The following MCU variants were observed in gnomAD, a reference collection of about 807,000 sequenced individuals.
The protein encoded by MCU is calcium uniporter protein, mitochondrial.
MCU carries 12 observed loss-of-function variants against 45.2 expected under a neutral mutation model. The observed-to-expected ratio is 0.27, with a 90% CI of 0.17 to 0.43. The LOEUF is 0.43. MCU is among the 20% of genes least tolerant of loss of function. The pLI is 1.00. For missense variants in MCU, 324 were observed against 436.7 expected (o/e 0.74, Z 2.30); for synonymous variants, 160 against 165.1 (o/e 0.97, Z 0.24).
intron 1 of MCU, among the ~76,000 whole-genome samples, chr10:72,777,511 T>G (rs545591933): frequency 6.6e-6 from 1 of 152,280 alleles, no homozygotes; most frequent in South Asian, 2.1e-4. Context: ...AGAACGAAAC[T>G]AGACCCCTAA....
intron 1 of MCU, 74 bp downstream of exon 1, chr10:72,692,375 C>A: frequency 9.1e-7 from 1 of 1,097,938 alleles, no homozygotes; most frequent in Non-Finnish European, 1.1e-6. Context: ...GCGGGCAGGC[C>A]GCCGGGGCAG....
intron 2 of MCU, among the ~76,000 whole-genome samples, chr10:72,844,559 G>A (rs1262032860): frequency 2.0e-5 from 3 of 151,950 alleles, no homozygotes; most frequent in South Asian, 2.1e-4. Context: ...ACAAGAATGC[G>A]ACTCTGTCTC....
Position 72,825,253 on chromosome 10 carries a change from CTACAAAGTACAGTCTTATACCCAT to C in MCU, c.151-9102_151-9079del, listed in dbSNP as rs1407034095. ...AAACTACAGAAAAATTGCAGAAAGA[CTACAAAGTACAGTCTTATACCCAT>C]TACCTAGATTCACCAGTTACTCATC... On this transcript the variant is annotated intron_variant, in intron 1 of 7. Coordinates refer to ENST00000373053, the MANE Select transcript of MCU (RefSeq NM_138357.3). Among the ~76,000 whole-genome samples the C allele has an allele frequency of 6.6e-4, 101 of 152,118 alleles. 2 individuals are homozygous for C. Among genetic ancestry groups the C allele is most frequent in the Non-Finnish European group, 4.4e-5 (3 of 68,006 alleles).
At chr10:72,836,851 T>G (rs1367869442) in intron 2 of MCU, among the ~76,000 whole-genome samples, 1 of 152,190 alleles carries the variant, frequency 6.6e-6, no homozygotes, top group Non-Finnish European at 1.5e-5. Context: ...GTATAGCATG[T>G]GAGAAAACTG....
chr10:72,868,419 G>A (rs967674366), intron 4 of MCU, among the ~76,000 whole-genome samples: 1 of 152,032 alleles, frequency 6.6e-6, no homozygotes, highest in Non-Finnish European at 1.5e-5. Context: ...CTTGTGGCCG[G>A]TGCACACCTG....
chr10:72,706,209 T>C (rs1457199064), intron 1 of MCU, among the ~76,000 whole-genome samples: 1 of 151,496 alleles, frequency 6.6e-6, no homozygotes, highest in African/African-American at 2.4e-5. Context: ...GAGCATTGTA[T>C]GATGGTCTTA....
chr10:72,737,833 T>C (rs990552342), intron 1 of MCU, among the ~76,000 whole-genome samples: 2 of 152,152 alleles, frequency 1.3e-5, no homozygotes, highest in African/African-American at 2.4e-5. Flanking sequence ...TTCCCCTTTT[T>C]CTGTTTCTTA....
At chr10:72,813,512 G>A (rs1175697904) in intron 1 of MCU, among the ~76,000 whole-genome samples, 1 of 127,830 alleles carries the variant, frequency 7.8e-6, no homozygotes, top group Non-Finnish European at 1.6e-5. Flanking sequence ...AAGCTGGAGT[G>A]CAGTGGCACA....
At chr10:72,765,107 A>T (rs1843707125) in intron 1 of MCU, among the ~76,000 whole-genome samples, 2 of 148,948 alleles carry the variant, frequency 1.3e-5, no homozygotes, top group African/African-American at 2.5e-5. Context: ...AAAAAAAAAG[A>T]GAGAGTTAGG....
chr10:72,806,152 CTTTTTTTTTTTT>C (rs774464297), intron 1 of MCU, among the ~76,000 whole-genome samples: 3 of 120,206 alleles, frequency 2.5e-5, no homozygotes, highest in Non-Finnish European at 3.5e-5. Context: ...CCATGAAGAG[CTTTTTTTTTTTT>C]TTTTTTTTTT....
At chr10:72,815,195 A>G (rs960250803) in intron 1 of MCU, among the ~76,000 whole-genome samples, 1 of 152,260 alleles carries the variant, frequency 6.6e-6, no homozygotes, top group African/African-American at 2.4e-5. Context: ...TCTGCCTCTT[A>G]TAGTACAGGA....
intron 1 of MCU, among the ~76,000 whole-genome samples, chr10:72,788,439 A>G (rs752846886): frequency 2.0e-5 from 3 of 152,220 alleles, no homozygotes; most frequent in Non-Finnish European, 2.9e-5. Context: ...AACCTGGGCT[A>G]TATAATGAGA....
intron 2 of MCU, among the ~76,000 whole-genome samples, chr10:72,856,238 C>T (rs1462208346): frequency 6.6e-6 from 1 of 152,080 alleles, no homozygotes; most frequent in Non-Finnish European, 1.5e-5. Context: ...TCAATGGTTA[C>T]CCAGGGATTA....
chr10:72,843,224 T>G (rs1463038648), intron 2 of MCU, among the ~76,000 whole-genome samples: 5 of 152,192 alleles, frequency 3.3e-5, no homozygotes. Context: ...TTTGGGCAAA[T>G]GTATATATGA....
At chr10:72,877,844 T>C (rs1465759080) in intron 6 of MCU, among the ~76,000 whole-genome samples, 4 of 152,134 alleles carry the variant, frequency 2.6e-5, no homozygotes, top group African/African-American at 7.2e-5. Context: ...ATCACTAAAG[T>C]AGGCGAAACA....
intron 1 of MCU, among the ~76,000 whole-genome samples, chr10:72,773,315 A>G (rs1843839991): frequency 6.6e-6 from 1 of 152,082 alleles, no homozygotes; most frequent in Non-Finnish European, 1.5e-5. Context: ...AACCCACAGA[A>G]ATCTTGGAAA....
chr10:72,778,425 C>T (rs992147291), intron 1 of MCU, among the ~76,000 whole-genome samples: 3 of 151,908 alleles, frequency 2.0e-5, no homozygotes, highest in Non-Finnish European at 2.9e-5. Context: ...AAACCAAGCC[C>T]GGATAGAAAT....
intron 1 of MCU, among the ~76,000 whole-genome samples, chr10:72,732,051 G>A (rs2921449): frequency 0.63 from 95,436 of 152,060 alleles, 31,499 homozygotes; most frequent in African/African-American, 0.73. Context: ...TGGCTCTACC[G>A]TTTTTTAATC....
chr10:72,862,481 T>C (rs1845394323), intron 4 of MCU, among the ~76,000 whole-genome samples: 1 of 152,150 alleles, frequency 6.6e-6, no homozygotes, highest in Admixed American at 6.5e-5. Flanking sequence ...GCAGTGGTTT[T>C]GGAATGAAAC....
Sources: gnomAD v4.1 joint callset for allele counts (sites outside exome capture counted in the v4.1 genomes callset) on GRCh38, gnomAD v4.1.1 for gene constraint, MANE v1.5 for transcripts, NCBI Gene and HGNC (gene_info 2026-07-23, HGNC 2026-07-21) for gene names.